Variants in SPATS2 observed in about 807,000 individuals in gnomAD.
SPATS2 encodes the protein spermatogenesis associated serine rich 2.
In SPATS2, 38 loss-of-function variants were observed where a neutral mutation model predicts 63.7. The observed-to-expected ratio is 0.60, with a 90% CI of 0.46 to 0.78. The LOEUF (loss-of-function observed/expected upper bound fraction) is 0.78, where lower values mean the gene tolerates loss of function less well. SPATS2 is among the 30% of genes least tolerant of loss of function. The probability of loss-of-function intolerance (pLI) is 0.00; values close to 1 mark genes in which losing one functional copy is unlikely to be tolerated. For synonymous variants in SPATS2, 207 were observed against 232.9 expected (o/e 0.89, Z 1.01); for missense variants, 588 against 666.2 (o/e 0.88, Z 1.29).
intron 2 of SPATS2, among the ~76,000 whole-genome samples, chr12:49,403,594 T>TAC (rs5798102): frequency 0.18 from 23,182 of 128,292 alleles, 2,002 homozygotes; most frequent in Middle Eastern, 0.23. Context: ...TGCCACTGTC[T>TAC]ACACACACAC....
rs748240185 is a variant in SPATS2 at position 49,524,818 on chromosome 12, C to A, written c.1248C>A (p.Asn416Lys). ...CTCCTCCCAGCCTTACAAGTGCTAA[C>A]AAGAAAAACTTTGCACCGGGAGAGA... The part of the protein sequence containing the change: ...CASPPSLTSA[N>K]KKNFAPGETP... The change falls in exon 13 of 14, where the codon AAC (asparagine) becomes AAA (lysine). Residue 416 changes from asparagine to lysine, a missense_variant. Asn to Lys is a moderately conservative substitution (Grantham distance 94). Transcript: ENST00000552918. The A allele has an allele frequency of 1.9e-5, 31 of 1,614,016 alleles. No homozygotes were observed. The highest frequency in any genetic ancestry group is 2.6e-5 in the Non-Finnish European group (31 of 1,180,012).
At chr12:49,464,807 G>A (rs1945883183) in intron 3 of SPATS2, among the ~76,000 whole-genome samples, 1 of 152,108 alleles carries the variant, frequency 6.6e-6, no homozygotes, top group Non-Finnish European at 1.5e-5. Flanking sequence ...CTGGGTGACA[G>A]AGCGGGACCA....
intron 3 of SPATS2, among the ~76,000 whole-genome samples, chr12:49,472,886 A>T (rs932208672): frequency 3.3e-5 from 5 of 151,226 alleles, no homozygotes; most frequent in African/African-American, 1.2e-4. Context: ...CAAAAAGTAA[A>T]AAATTAGCCA....
At chr12:49,463,178 G>A (rs1421884823) in intron 3 of SPATS2, 1 of 151,932 alleles carries the variant, frequency 6.6e-6, no homozygotes, top group Non-Finnish European at 1.5e-5. Context: ...GGCCGAGGTG[G>A]GTGGGTCACA....
At chr12:49,389,159 G>A (rs1178806839) in intron 2 of SPATS2, among the ~76,000 whole-genome samples, 1 of 152,150 alleles carries the variant, frequency 6.6e-6, no homozygotes, top group Non-Finnish European at 1.5e-5. Context: ...AGGAACCTCA[G>A]AATGCTTTAA....
intron 2 of SPATS2, among the ~76,000 whole-genome samples, chr12:49,409,822 T>G (rs1228739385): frequency 2.6e-5 from 4 of 151,676 alleles, no homozygotes; most frequent in Admixed American, 1.3e-4. Flanking sequence ...AGGCTGCTCT[T>G]GAACTCCTGA....
chr12:49,505,636 A>G (rs1946642987), intron 9 of SPATS2, among the ~76,000 whole-genome samples: 1 of 152,160 alleles, frequency 6.6e-6, no homozygotes, highest in Non-Finnish European at 1.5e-5. Context: ...CAGTAATAAC[A>G]TATGAAGAAT....
At chr12:49,457,326 G>C (rs1203435495) in intron 2 of SPATS2, among the ~76,000 whole-genome samples, 1 of 152,022 alleles carries the variant, frequency 6.6e-6, no homozygotes, top group Non-Finnish European at 1.5e-5. Flanking sequence ...TCTGTTTGCA[G>C]CTACAGAGTA....
chr12:49,369,578 A>T (rs1943963842), intron 1 of SPATS2, among the ~76,000 whole-genome samples: 1 of 152,208 alleles, frequency 6.6e-6, no homozygotes, highest in African/African-American at 2.4e-5. Context: ...ATAGTAAAGC[A>T]GCATGAACTG....
intron 3 of SPATS2, chr12:49,469,570 A>G: frequency 4.6e-6 from 2 of 431,278 alleles, no homozygotes; most frequent in African/African-American, 2.1e-5. Context: ...AAAAAGAAAA[A>G]ACAAAGTAAA....
chr12:49,514,466 T>C (rs1311059427), intron 9 of SPATS2, 89 bp from the exon 10 acceptor site: 2 of 1,216,116 alleles, frequency 1.6e-6, no homozygotes, highest in Non-Finnish European at 2.3e-6. Context: ...GCAAACAAAC[T>C]CACTGGTCTT....
chr12:49,488,715 A>G (rs1379010106), intron 4 of SPATS2, among the ~76,000 whole-genome samples: 1 of 152,308 alleles, frequency 6.6e-6, no homozygotes, highest in South Asian at 2.1e-4. Context: ...CAATAATGCT[A>G]TGTGAAAAAA....
chr12:49,481,292 G>A (rs1466887450), intron 3 of SPATS2, among the ~76,000 whole-genome samples: 4 of 151,914 alleles, frequency 2.6e-5, no homozygotes, highest in South Asian at 2.1e-4. Context: ...CCCGGGAAGC[G>A]GAGGTTGTAG....
intron 3 of SPATS2, among the ~76,000 whole-genome samples, chr12:49,466,855 AG>A (rs1333155930): frequency 6.6e-6 from 1 of 152,116 alleles, no homozygotes; most frequent in Non-Finnish European, 1.5e-5. Context: ...TCTGATAGAG[AG>A]TGCACTGTAT....
At chr12:49,498,145 A>AAAATAT (rs66900382) in intron 8 of SPATS2, among the ~76,000 whole-genome samples, 2,436 of 98,852 alleles carry the variant, frequency 0.025, 46 homozygotes, top group Non-Finnish European at 0.031. Context: ...AAAAAAAAAA[A>AAAATAT]ATATATATAT....
At chr12:49,374,233 G>T (rs1944053086) in intron 2 of SPATS2, among the ~76,000 whole-genome samples, 1 of 152,074 alleles carries the variant, frequency 6.6e-6, no homozygotes, top group Non-Finnish European at 1.5e-5. Context: ...TTGAACTCAG[G>T]TGATTCTGTC....
At chr12:49,411,763 A>AT (rs1944801506) in intron 2 of SPATS2, among the ~76,000 whole-genome samples, 1 of 152,290 alleles carries the variant, frequency 6.6e-6, no homozygotes, top group South Asian at 2.1e-4. Context: ...GGAGAAAGTA[A>AT]TTTTTCTTTC....
intron 9 of SPATS2, among the ~76,000 whole-genome samples, chr12:49,504,833 A>G (rs1946630480): frequency 7.3e-6 from 1 of 136,084 alleles, no homozygotes; most frequent in Admixed American, 8.4e-5. Context: ...TAGTAGCGCC[A>G]TCGTGTCTCA....
Position 49,460,763 on chromosome 12 carries a change from C to T in SPATS2, c.-243-7C>T. The T allele has an allele frequency of 1.9e-6, 1 of 528,576 alleles. No homozygotes were observed. Among genetic ancestry groups the T allele is most frequent in the Non-Finnish European group, 3.4e-6 (1 of 295,050 alleles). 32.7% of individuals were successfully genotyped at this position (528,576 alleles called of 1,614,324 possible). On this transcript the variant is annotated splice_region_variant and splice_polypyrimidine_tract_variant and intron_variant, in intron 2 of 13. Transcript: ENST00000552918. ...TAGTATATGTGTGTTTGTGTTTTTC[C>T]CTCCAGAATCTCCCTGGAAAAGGAG...
Sources: gnomAD v4.1 joint callset for allele counts (sites outside exome capture counted in the v4.1 genomes callset) on GRCh38, gnomAD v4.1.1 for gene constraint, MANE v1.5 for transcripts, NCBI Gene and HGNC (gene_info 2026-07-23, HGNC 2026-07-21) for gene names.